Variants in FMN1 observed in about 807,000 individuals in gnomAD.
FMN1 encodes formin-1.
FMN1 carries 110 observed loss-of-function variants against 132.4 expected under a neutral mutation model. That is an observed-to-expected ratio of 0.83 (90% confidence interval 0.71 to 0.97). FMN1 has a LOEUF of 0.97. Ranked by LOEUF, FMN1 falls within the 50% of genes least tolerant of loss-of-function variation. FMN1 has a pLI of 0.00. For missense variants in FMN1, 1,792 were observed against 1,705.3 expected (o/e 1.05, Z -0.90); for synonymous variants, 722 against 651.7 (o/e 1.11, Z -1.64).
intron 6 of FMN1, among the ~76,000 whole-genome samples, chr15:33,052,173 A>G (rs1030989513): frequency 1.3e-5 from 2 of 152,222 alleles, no homozygotes; most frequent in African/African-American, 4.8e-5. Flanking sequence ...CTTCCAGTTC[A>G]AAGAACACAT....
intron 6 of FMN1, among the ~76,000 whole-genome samples, chr15:33,056,943 G>C (rs889709167): frequency 6.6e-6 from 1 of 152,212 alleles, no homozygotes; most frequent in Non-Finnish European, 1.5e-5. Flanking sequence ...TTGGGAGGCT[G>C]AGGCAGGCGA....
intron 7 of FMN1, among the ~76,000 whole-genome samples, chr15:33,000,812 AAC>A (rs529067802): frequency 3.5e-4 from 54 of 152,236 alleles, no homozygotes; most frequent in Non-Finnish European, 6.0e-4. Flanking sequence ...GTAAAGCTCA[AAC>A]ACAGCAATAG....
At chr15:32,837,087 C>A (rs1268000538) in intron 17 of FMN1, 11 of 228,208 alleles carry the variant, frequency 4.8e-5, no homozygotes. Context: ...TGTTCACCGC[C>A]AGGAGGAAGG....
At position 32,773,851 on chromosome 15, in the gene FMN1, G is replaced by C. The variant is rs1274415508; in HGVS notation, c.*459C>G. The C allele has an allele frequency of 6.2e-6, 1 of 162,294 alleles. No individual in the cohort carries two copies. The highest frequency in any genetic ancestry group is 1.3e-5 in the Non-Finnish European group (1 of 75,788). The allele number at this position is 162,294 out of a possible 1,614,324, so 10.1% of individuals were successfully genotyped here. ...GATGCTGCAGGATTTTGCTGCAACA[G>C]GATCAAAACTAAGACCAATAATCAA... On this transcript the variant is annotated 3_prime_UTR_variant, in exon 21 of 21. Coordinates refer to ENST00000616417, the MANE Select transcript of FMN1 (RefSeq NM_001277313.2).
chr15:33,133,477 A>C (rs1360223658), intron 4 of FMN1, among the ~76,000 whole-genome samples: 2 of 152,166 alleles, frequency 1.3e-5, no homozygotes, highest in Non-Finnish European at 2.9e-5. Flanking sequence ...AAGAGCATTA[A>C]CTGGAGTGCT....
intron 17 of FMN1, among the ~76,000 whole-genome samples, chr15:32,827,264 C>A (rs986917155): frequency 6.6e-6 from 1 of 152,162 alleles, no homozygotes; most frequent in Non-Finnish European, 1.5e-5. Context: ...TTATGAGCAA[C>A]AAAATGATTG....
At position 32,802,326 on chromosome 15, in the gene FMN1, C is replaced by G. The variant is rs563773827; in HGVS notation, c.3980+1955G>C. On this transcript the variant is annotated intron_variant, in intron 18 of 20. Coordinates refer to ENST00000616417, the MANE Select transcript of FMN1 (RefSeq NM_001277313.2). ...TGTTTTACTTTTACAGTCCTGAGAT[C>G]CAGAGCGGAACACATCCACTTATTG... Among the ~76,000 whole-genome samples, 3 of 152,324 alleles carry G rather than the reference C, an allele frequency of 2.0e-5. No individual in the cohort carries two copies. The South Asian group carries it at 6.2e-4, about 32-fold the overall frequency.
intron 17 of FMN1, among the ~76,000 whole-genome samples, chr15:32,831,161 A>G (rs1228748014): frequency 2.0e-5 from 3 of 152,138 alleles, no homozygotes; most frequent in Non-Finnish European, 4.4e-5. Context: ...ATGAGAAATG[A>G]GATATTACTT....
intron 19 of FMN1, among the ~76,000 whole-genome samples, chr15:32,792,197 T>G (rs1214983646): frequency 1.3e-5 from 2 of 148,222 alleles, no homozygotes; most frequent in Non-Finnish European, 3.0e-5. Context: ...TGGCACACTT[T>G]GGGAGGCCGA....
chr15:33,176,518 A>G (rs988844450), intron 3 of FMN1, among the ~76,000 whole-genome samples: 1 of 150,858 alleles, frequency 6.6e-6, no homozygotes, highest in Non-Finnish European at 1.5e-5. Context: ...AAAAAAAAAA[A>G]AAAAAAAAAA....
chr15:33,079,288 T>A (rs2038354915), intron 5 of FMN1, among the ~76,000 whole-genome samples: 1 of 152,248 alleles, frequency 6.6e-6, no homozygotes, highest in South Asian at 2.1e-4. Context: ...ATTAAGGTGA[T>A]GCAATAATTT....
chr15:33,000,421 C>A (rs1457881982), intron 7 of FMN1, among the ~76,000 whole-genome samples: 1 of 143,376 alleles, frequency 7.0e-6, no homozygotes, highest in East Asian at 2.1e-4. Context: ...TGCACTCCAG[C>A]CTGGGCGACA....
At chr15:32,853,417 G>C (rs2059053931) in intron 17 of FMN1, among the ~76,000 whole-genome samples, 1 of 151,916 alleles carries the variant, frequency 6.6e-6, no homozygotes, top group Admixed American at 6.6e-5. Flanking sequence ...TTCTTTTTTT[G>C]TAGTACATGT....
intron 5 of FMN1, chr15:33,066,507 A>G (rs769013532): frequency 6.6e-7 from 1 of 1,519,150 alleles, no homozygotes; most frequent in South Asian, 1.3e-5. Flanking sequence ...CCAATTCTAC[A>G]TACACTTTTG....
At chr15:32,865,265 G>T (rs900415140) in intron 16 of FMN1, among the ~76,000 whole-genome samples, 1 of 152,190 alleles carries the variant, frequency 6.6e-6, no homozygotes, top group African/African-American at 2.4e-5. Flanking sequence ...GAATTATGTG[G>T]AATGTGATTT....
chr15:33,191,998 C>T (rs1006094869), intron 2 of FMN1, among the ~76,000 whole-genome samples: 1 of 152,126 alleles, frequency 6.6e-6, no homozygotes, highest in Non-Finnish European at 1.5e-5. Flanking sequence ...AACCAGGTCC[C>T]AAAAAGAGAT....
At chr15:32,918,915 G>A (rs537117505) in intron 10 of FMN1, among the ~76,000 whole-genome samples, 2 of 152,100 alleles carry the variant, frequency 1.3e-5, no homozygotes, top group African/African-American at 4.8e-5. Context: ...CCGCTGCTTA[G>A]GTGTTTTAGA....
At chr15:32,855,157 T>TAAA (rs750275479) in intron 17 of FMN1, among the ~76,000 whole-genome samples, 8 of 85,542 alleles carry the variant, frequency 9.4e-5, no homozygotes, top group South Asian at 3.5e-4. Context: ...ACGTGGAGAG[T>TAAA]AAAAAAAAAA....
intron 20 of FMN1, among the ~76,000 whole-genome samples, chr15:32,774,944 G>A (rs16958734): frequency 7.2e-5 from 11 of 152,042 alleles, no homozygotes; most frequent in Middle Eastern, 3.4e-3. Flanking sequence ...CTGGGAAGAC[G>A]TAAGAATACA....
Sources: gnomAD v4.1 joint callset for allele counts (sites outside exome capture counted in the v4.1 genomes callset) on GRCh38, gnomAD v4.1.1 for gene constraint, MANE v1.5 for transcripts, NCBI Gene and HGNC (gene_info 2026-07-23, HGNC 2026-07-21) for gene names.